Variants in MBD5 observed in about 807,000 individuals in gnomAD.
MBD5 encodes methyl-CpG-binding domain protein 5.
Under a neutral mutation model 117.3 loss-of-function variants are expected in MBD5, and 13 were observed. That is an observed-to-expected ratio of 0.11 (90% CI 0.07 to 0.18). The LOEUF (loss-of-function observed/expected upper bound fraction) is 0.18. Among genes scored for constraint, MBD5 ranks in the 10% least tolerant of loss-of-function variants. The pLI is 1.00. For missense variants in MBD5, 1,879 were observed against 2,093.8 expected, an observed-to-expected ratio of 0.90 and a Z score of 2.00; for synonymous variants, 727 against 766.4, an observed-to-expected ratio of 0.95 and a Z score of 0.85.
At chr2:148,224,649 C>G (rs540624117) in intron 2 of MBD5, among the ~76,000 whole-genome samples, 1 of 151,534 alleles carries the variant, frequency 6.6e-6, no homozygotes, top group Non-Finnish European at 1.5e-5. Context: ...GCGTGAGCCA[C>G]CACACCTGGC....
intron 1 of MBD5, among the ~76,000 whole-genome samples, chr2:148,173,519 C>T (rs531390258): frequency 1.3e-5 from 2 of 152,236 alleles, no homozygotes; most frequent in South Asian, 4.2e-4. Context: ...TCTGCGTGCT[C>T]AAGTGGACAG....
chr2:148,328,226 G>A (rs545150310), intron 3 of MBD5, among the ~76,000 whole-genome samples: 65 of 152,048 alleles, frequency 4.3e-4, no homozygotes, highest in African/African-American at 1.4e-3. Flanking sequence ...GTACTGGGAG[G>A]ACCACTGCTC....
At chr2:148,114,082 T>G (rs956676432) in intron 1 of MBD5, among the ~76,000 whole-genome samples, 1 of 152,202 alleles carries the variant, frequency 6.6e-6, no homozygotes, top group African/African-American at 2.4e-5. Context: ...CATTATTGGT[T>G]CAAATATTTT....
Position 148,516,421 on chromosome 2 carries a change from C to G in MBD5, c.*3480C>G, listed in dbSNP as rs1035508409. 7 of 152,186 alleles carry G rather than the reference C, an allele frequency of 4.6e-5. No individual in the cohort carries two copies. The highest frequency in any genetic ancestry group is 1.4e-4 in the African/African-American group (6 of 41,450). 9.4% of individuals were successfully genotyped at this position (152,186 alleles called of 1,614,324 possible). A position where few individuals can be genotyped will look rare whatever the true frequency, so the allele number is the denominator to read the frequency against. On this transcript the variant is annotated 3_prime_UTR_variant, in exon 14 of 14. Transcript: ENST00000642680. ...TGCCCGAATGGTGTAATGCAAGACT[C>G]AAGACTTTTCAATGTAGTATATCAA...
chr2:148,216,139 G>T, intron 2 of MBD5, among the ~76,000 whole-genome samples: 1 of 152,202 alleles, frequency 6.6e-6, no homozygotes, highest in East Asian at 1.9e-4. Context: ...AGGGAACAAA[G>T]ATAGCTCTGG....
At chr2:148,403,784 G>T (rs1374826466) in intron 4 of MBD5, among the ~76,000 whole-genome samples, 2 of 151,944 alleles carry the variant, frequency 1.3e-5, no homozygotes, top group Non-Finnish European at 2.9e-5. Context: ...ATACAATTCT[G>T]TCCCATGTGC....
rs143992704 is a variant in MBD5 at position 148,434,656 on chromosome 2, G to A, written c.-556-23547G>A. 2.2e-3 allele frequency among the ~76,000 whole-genome samples: 336 copies of A among 152,204 alleles called. 1 individual carries two copies. Among genetic ancestry groups the A allele is most frequent in the African/African-American group, 7.8e-3 (323 of 41,536 alleles). On this transcript the variant is annotated intron_variant, in intron 4 of 13. Transcript: ENST00000642680. The stretch of plus-strand genomic sequence containing the variant: ...GATTTTGGTTCTTTGCATTTGCGAA[G>A]GATTGTTTTATGTCCAAATGTGTGA...
intron 3 of MBD5, among the ~76,000 whole-genome samples, chr2:148,279,964 C>A (rs1470397781): frequency 6.6e-6 from 1 of 151,878 alleles, no homozygotes; most frequent in Non-Finnish European, 1.5e-5. Flanking sequence ...CTCATTTTAA[C>A]CATTTTATTG....
At chr2:148,223,405 T>C (rs935849245) in intron 2 of MBD5, among the ~76,000 whole-genome samples, 23 of 152,150 alleles carry the variant, frequency 1.5e-4, no homozygotes, top group African/African-American at 5.1e-4. Flanking sequence ...TTTTCTTTCC[T>C]GGGAGACTTT....
chr2:148,300,647 T>C (rs1574258645), intron 3 of MBD5, among the ~76,000 whole-genome samples: 1 of 152,164 alleles, frequency 6.6e-6, no homozygotes, highest in East Asian at 1.9e-4. Context: ...TACCCTACAC[T>C]CTGAATCAGA....
In MBD5 at chr2:148,489,851, A is replaced by G. The variant is rs749902807; in HGVS notation, c.4219A>G (p.Lys1407Glu). 3.1e-6 allele frequency: 5 copies of G among 1,614,138 alleles called. No homozygotes were observed. The highest frequency in any genetic ancestry group is 3.4e-6 in the Non-Finnish European group (4 of 1,180,034). The stretch of plus-strand genomic sequence containing the variant: ...GCTGCCCAAGAATCTAGACCATGGG[A>G]AAAATGTGAACGAAGGAGATGGGTT... ...ARLPKNLDHG[K>E]NVNEGDGFEY... Residue 1407 changes from lysine (K) to glutamate (E), a missense_variant, in exon 11 of 14, where the codon AAA (lysine) becomes GAA (glutamate). By Grantham distance (56) the Lys-to-Glu change is moderately conservative. Around this residue, in one of 4 missense-constraint regions of MBD5, gnomAD observed 1,666 missense variants for 1,792.2 expected, o/e 0.93. Coordinates refer to ENST00000642680, the MANE Select transcript of MBD5 (RefSeq NM_001378120.1).
intron 8 of MBD5, among the ~76,000 whole-genome samples, chr2:148,473,557 A>C (rs1680864444): frequency 6.6e-6 from 1 of 152,170 alleles, no homozygotes; most frequent in Non-Finnish European, 1.5e-5. Context: ...GACATTAACA[A>C]GATAAGAAAT....
At chr2:148,404,579 G>C (rs773271007) in intron 4 of MBD5, among the ~76,000 whole-genome samples, 8 of 152,118 alleles carry the variant, frequency 5.3e-5, no homozygotes, top group Non-Finnish European at 7.3e-5. Context: ...TTTCTGCTGA[G>C]CTCCAGCTAG....
intron 12 of MBD5, among the ~76,000 whole-genome samples, chr2:148,508,172 G>A (rs1402690754): frequency 6.6e-6 from 1 of 152,166 alleles, no homozygotes; most frequent in Admixed American, 6.5e-5. Context: ...GCTCCCAGGA[G>A]CTTGCTTGGC....
chr2:148,446,532 A>T (rs916953592), intron 4 of MBD5, among the ~76,000 whole-genome samples: 1 of 151,854 alleles, frequency 6.6e-6, no homozygotes, highest in Non-Finnish European at 1.5e-5. Context: ...CTCAAGAGTG[A>T]TGAGCCCGTG....
intron 2 of MBD5, among the ~76,000 whole-genome samples, chr2:148,226,454 A>G (rs1038663474): frequency 5.9e-5 from 9 of 152,088 alleles, no homozygotes; most frequent in Non-Finnish European, 1.2e-4. Context: ...ATCATTTTTT[A>G]TGGCTGCATA....
intron 3 of MBD5, among the ~76,000 whole-genome samples, chr2:148,315,726 A>C (rs1702142585): frequency 6.6e-6 from 1 of 152,156 alleles, no homozygotes; most frequent in African/African-American, 2.4e-5. Flanking sequence ...CATGCCCACC[A>C]TGTACCAGGC....
intron 1 of MBD5, among the ~76,000 whole-genome samples, chr2:148,098,053 A>G (rs1250860207): frequency 6.6e-6 from 1 of 152,220 alleles, no homozygotes; most frequent in Non-Finnish European, 1.5e-5. Context: ...TGCAGGTTTC[A>G]TGTGTGATAA....
chr2:148,340,640 T>A (rs961937945), intron 3 of MBD5, among the ~76,000 whole-genome samples: 1 of 152,252 alleles, frequency 6.6e-6, no homozygotes, highest in East Asian at 1.9e-4. Flanking sequence ...AAGTTTCTAA[T>A]GATTGAGGGA....
Sources: allele counts gnomAD v4.1 joint callset (sites outside exome capture counted in the v4.1 genomes callset), GRCh38; gene constraint gnomAD v4.1.1; regional missense constraint gnomAD v4.1.1; transcripts MANE v1.5; gene names NCBI Gene and HGNC (gene_info 2026-07-23, HGNC 2026-07-21).